Variants in ASB4 observed in about 807,000 individuals in gnomAD.
ASB4 encodes the protein ankyrin repeat and SOCS box containing 4.
Under a neutral mutation model 38.6 loss-of-function variants are expected in ASB4, and 35 were observed. The observed-to-expected ratio is 0.91, with a 90% CI of 0.69 to 1.20. ASB4 has a LOEUF of 1.20. Ranked by LOEUF, ASB4 falls within the 50% of genes most tolerant of loss-of-function variation. The pLI is 0.00. For synonymous variants in ASB4, 195 were observed against 201.3 expected (o/e 0.97, Z 0.26); for missense variants, 557 against 527.2 (o/e 1.06, Z -0.55).
At position 95,537,915 on chromosome 7, in the gene ASB4, T is replaced by C; in HGVS notation, c.*156T>C. ...TGCCATTAATCCTAGAATATCATGG[T>C]ATGGGGAAATAAAGAAGAAGTAAAG... On this transcript the variant is annotated 3_prime_UTR_variant, in exon 5 of 5. Transcript: ENST00000325885. 1 of 610,684 alleles carries C rather than the reference T, an allele frequency of 1.6e-6. No homozygotes were observed. Among genetic ancestry groups the C allele is most frequent in the South Asian group, 2.5e-5 (1 of 40,646 alleles). 37.8% of individuals were successfully genotyped at this position (610,684 alleles called of 1,614,324 possible).
the ASB4 span, among the ~76,000 whole-genome samples, chr7:95,547,927 T>C: frequency 1.3e-5 from 2 of 152,260 alleles, no homozygotes; most frequent in Middle Eastern, 3.2e-3. Flanking sequence ...TATAATCATC[T>C]GAGCCAATCT....
At chr7:95,481,988 G>C (rs1390371149), upstream of ASB4, among the ~76,000 whole-genome samples, 1 of 152,218 alleles carries the variant, frequency 6.6e-6, no homozygotes, top group African/African-American at 2.4e-5. Flanking sequence ...CCTGAGGTGA[G>C]TTGAAGCGGT....
rs545984440 is a variant in ASB4 at position 95,539,988 on chromosome 7, G to A, written c.*2229G>A. ...TCTTAAGGCGTATTCTAGCAGCAAA[G>A]CTTGTGATGCACTGACTTGGGGCAA... On this transcript the variant is annotated 3_prime_UTR_variant, in exon 5 of 5. Coordinates refer to ENST00000325885, the MANE Select transcript of ASB4 (RefSeq NM_016116.3). The A allele has an allele frequency of 6.6e-6, 1 of 152,198 alleles. No homozygotes were observed. The highest frequency in any genetic ancestry group is 1.5e-5 in the Non-Finnish European group (1 of 68,034). 9.4% of individuals were successfully genotyped at this position (152,198 alleles called of 1,614,324 possible). A position where few individuals can be genotyped will look rare whatever the true frequency, so the allele number is the denominator to read the frequency against.
At chr7:95,483,990 A>G (rs1177841490), upstream of ASB4, among the ~76,000 whole-genome samples, 1 of 150,956 alleles carries the variant, frequency 6.6e-6, no homozygotes, top group African/African-American at 2.4e-5. Context: ...ATAATTTAAA[A>G]TCTTCAAAAA....
rs1790917622 is a variant in ASB4, at chr7:95,537,836, T to C, written c.*77T>C. The C allele has an allele frequency of 7.7e-7, 1 of 1,300,470 alleles. No homozygotes were observed. Among genetic ancestry groups the C allele is most frequent in the Admixed American group, 2.0e-5 (1 of 49,868 alleles). The allele number at this position is 1,300,470 out of a possible 1,614,324, so 80.6% of individuals were successfully genotyped here. On this transcript the variant is annotated 3_prime_UTR_variant, in exon 5 of 5. Coordinates refer to ENST00000325885, the MANE Select transcript of ASB4 (RefSeq NM_016116.3). ...GTAGACACAGTTTGCCTAAATAAAA[T>C]GGTACTTGGGTTGATTATAACACTT...
At chr7:95,505,968 A>G (rs933235007) in intron 2 of ASB4, among the ~76,000 whole-genome samples, 3 of 152,080 alleles carry the variant, frequency 2.0e-5, no homozygotes, top group African/African-American at 7.2e-5. Flanking sequence ...ACCATGGTTC[A>G]CTGCAGGTTT....
chr7:95,528,023 T>G lies in ASB4; in HGVS notation c.698T>G (p.Leu233Arg). The change falls in exon 3 of 5, where the codon CTG becomes CGG. Residue 233 changes from leucine (L) to arginine (R), a missense_variant. By Grantham distance (102) the Leu-to-Arg change is moderately radical (BLOSUM62 -2). Transcript: ENST00000325885. ...CAGGAGTACAGCACGGAGCACCACCTGGTCTGCCGCATGCTGCTTGACTAC... is the reference window on the plus strand; with the variant it reads ...CAGGAGTACAGCACGGAGCACCACCGGGTCTGCCGCATGCTGCTTGACTAC... ...KEQEYSTEHH[L>R]VCRMLLDYKA... 1 of 1,614,126 alleles carries G rather than the reference T, an allele frequency of 6.2e-7. No homozygotes were observed. Among genetic ancestry groups the G allele is most frequent in the East Asian group, 2.2e-5 (1 of 44,836 alleles).
At chr7:95,479,921 G>A (rs1334448611) in intron 1 of ASB4, among the ~76,000 whole-genome samples, 2 of 151,990 alleles carry the variant, frequency 1.3e-5, no homozygotes, top group African/African-American at 2.4e-5. Flanking sequence ...CTTGTCTCAG[G>A]GTCTTAGAAT....
At chr7:95,509,815 G>T (rs2116613883) in intron 2 of ASB4, among the ~76,000 whole-genome samples, 1 of 152,234 alleles carries the variant, frequency 6.6e-6, no homozygotes, top group East Asian at 1.9e-4. Flanking sequence ...ACCATGTGAG[G>T]TTGCACATTA....
chr7:95,502,690 A>G (rs1258394809), intron 2 of ASB4, among the ~76,000 whole-genome samples: 1 of 152,236 alleles, frequency 6.6e-6, no homozygotes, highest in African/African-American at 2.4e-5. Context: ...TAATTCTGTA[A>G]GAGTTTTCAG....
chr7:95,535,086 G>A (rs1037137620), intron 3 of ASB4, among the ~76,000 whole-genome samples: 2 of 151,934 alleles, frequency 1.3e-5, no homozygotes, highest in African/African-American at 2.4e-5. Context: ...ACACACATGC[G>A]CACACTCTTA....
chr7:95,471,325 G>A, the ASB4 span, among the ~76,000 whole-genome samples: 1 of 152,100 alleles, frequency 6.6e-6, no homozygotes, highest in Non-Finnish European at 1.5e-5. Context: ...TTTCCTGCAC[G>A]CTTCCTCATT....
rs1562811193 is a variant in ASB4 at position 95,495,945 on chromosome 7, C to A, written c.375C>A (p.Ile125=). Residue 125 remains isoleucine (I), a synonymous_variant, in exon 2 of 5, where the codon ATC becomes ATA. Coordinates refer to ENST00000325885, the MANE Select transcript of ASB4 (RefSeq NM_016116.3). ...CEMANVDCVK[I]LCDRGAKLNC... ...TGGCCAATGTGGATTGTGTTAAGAT[C>A]CTCTGTGATCGTGGGGCAAAGCTCA... The A allele has an allele frequency of 6.2e-7, 1 of 1,614,092 alleles. No homozygotes were observed. The highest frequency in any genetic ancestry group is 8.5e-7 in the Non-Finnish European group (1 of 1,180,004).
At chr7:95,511,460 G>A (rs1790479674) in intron 2 of ASB4, among the ~76,000 whole-genome samples, 1 of 152,126 alleles carries the variant, frequency 6.6e-6, no homozygotes, top group Admixed American at 6.5e-5. Flanking sequence ...CGCAAGCATA[G>A]TTGAATTAAC....
chr7:95,514,632 A>G (rs997035864), intron 2 of ASB4, among the ~76,000 whole-genome samples: 5 of 152,148 alleles, frequency 3.3e-5, no homozygotes, highest in African/African-American at 1.2e-4. Context: ...ATTTGAAAAG[A>G]TAGTCTCAGA....
intron 2 of ASB4, among the ~76,000 whole-genome samples, chr7:95,500,012 C>T (rs1228129890): frequency 6.6e-6 from 1 of 151,334 alleles, no homozygotes; most frequent in Non-Finnish European, 1.5e-5. Flanking sequence ...TAGCTGGGAG[C>T]ATCCTCATTT....
At chr7:95,474,665 G>C (rs750022948), upstream of ASB4, among the ~76,000 whole-genome samples, 2 of 152,040 alleles carry the variant, frequency 1.3e-5, no homozygotes, top group Non-Finnish European at 2.9e-5. Context: ...GAAACTACGG[G>C]CACATGCCAC....
At chr7:95,547,079 C>T in the ASB4 span, among the ~76,000 whole-genome samples, 4 of 152,178 alleles carry the variant, frequency 2.6e-5, no homozygotes, top group Non-Finnish European at 4.4e-5. Flanking sequence ...CAGTCTCTAC[C>T]ACCAGGCTGT....
At chr7:95,549,541 C>T in the ASB4 span, among the ~76,000 whole-genome samples, 1 of 152,016 alleles carries the variant, frequency 6.6e-6, no homozygotes, top group African/African-American at 2.4e-5. Context: ...TCGTGATCCG[C>T]CCGCCTTGGG....
Sources: gnomAD v4.1 joint callset for allele counts (sites outside exome capture counted in the v4.1 genomes callset) on GRCh38, gnomAD v4.1.1 for gene constraint, MANE v1.5 for transcripts, NCBI Gene and HGNC (gene_info 2026-07-23, HGNC 2026-07-21) for gene names.